Variants in CLCN3 observed in about 807,000 individuals in gnomAD.
CLCN3 encodes the protein Cl-/H+ antiporter 3.
A neutral mutation model predicts 83.4 loss-of-function variants in CLCN3; 16 were observed. The ratio of observed to expected loss-of-function variants is 0.19; its 90% CI spans 0.13 to 0.29. The LOEUF (loss-of-function observed/expected upper bound fraction) is 0.29, where lower values mean the gene tolerates loss of function less well. CLCN3 is among the 10% of genes least tolerant of loss of function. CLCN3 has a pLI of 1.00. For synonymous variants in CLCN3, 322 were observed against 346.2 expected (o/e 0.93, Z 0.78); for missense variants, 544 against 1,006.0 (o/e 0.54, Z 6.21).
At chr4:169,695,579 GA>G in intron 7 of CLCN3, 32 bp from the exon 8 acceptor site, 18 of 1,460,868 alleles carry the variant, frequency 1.2e-5, no homozygotes, top group Non-Finnish European at 1.7e-5. Flanking sequence ...GAATTTCTAT[GA>G]AATTATGAAA....
intron 12 of CLCN3, among the ~76,000 whole-genome samples, chr4:169,719,233 G>A (rs773989373): frequency 2.6e-5 from 4 of 152,182 alleles, no homozygotes; most frequent in Admixed American, 6.5e-5. Flanking sequence ...TTGGGAGGCC[G>A]GGACGGGTGG....
intron 2 of CLCN3, among the ~76,000 whole-genome samples, chr4:169,639,923 C>T (rs1356402323): frequency 1.3e-5 from 2 of 152,124 alleles, no homozygotes; most frequent in African/African-American, 4.8e-5. Context: ...GAATTTACAT[C>T]CTGGTTCTGT....
chr4:169,669,685 A>G (rs1230378795), intron 2 of CLCN3, among the ~76,000 whole-genome samples: 1 of 152,228 alleles, frequency 6.6e-6, no homozygotes, highest in Non-Finnish European at 1.5e-5. Context: ...GGCTGAAGCC[A>G]GTCACCAGTT....
chr4:169,685,963 G>A (rs1259771718), intron 3 of CLCN3, among the ~76,000 whole-genome samples: 1 of 152,044 alleles, frequency 6.6e-6, no homozygotes, highest in Non-Finnish European at 1.5e-5. Context: ...CATTTTAGTG[G>A]GGCGTTGTGA....
chr4:169,695,789 A>C, intron 8 of CLCN3, 97 bp downstream of exon 8: 2 of 725,470 alleles, frequency 2.8e-6, no homozygotes, highest in South Asian at 4.7e-5. Flanking sequence ...ATAGGTAGAG[A>C]CTTTGTTTTC....
intron 2 of CLCN3, among the ~76,000 whole-genome samples, chr4:169,649,190 A>C (rs906960377): frequency 6.6e-6 from 1 of 152,176 alleles, no homozygotes; most frequent in Non-Finnish European, 1.5e-5. Context: ...AGTTGCAGGC[A>C]GAGGGAAGGA....
intron 2 of CLCN3, among the ~76,000 whole-genome samples, chr4:169,673,571 T>A (rs1483457672): frequency 6.6e-6 from 1 of 152,202 alleles, no homozygotes; most frequent in East Asian, 1.9e-4. Flanking sequence ...TTCACTTTTT[T>A]TTTTTTGCAT....
intron 2 of CLCN3, among the ~76,000 whole-genome samples, chr4:169,658,092 G>C (rs1455291376): frequency 2.0e-5 from 3 of 152,026 alleles, no homozygotes; most frequent in Non-Finnish European, 4.4e-5. Context: ...TATTACAAAA[G>C]TAATATATTT....
rs1393256724 is a variant in CLCN3 at position 169,620,779 on chromosome 4, T to G, written c.-301T>G. 2.5e-6 allele frequency: 1 copy of G among 398,460 alleles called. No individual in the cohort carries two copies. Among genetic ancestry groups the G allele is most frequent in the Non-Finnish European group, 4.4e-6 (1 of 226,098 alleles). The allele number at this position is 398,460 out of a possible 1,614,324, so 24.7% of individuals were successfully genotyped here. A position where few individuals can be genotyped will look rare whatever the true frequency, so the allele number is the denominator to read the frequency against. On this transcript the variant is annotated 5_prime_UTR_variant, in exon 1 of 13. It adds an upstream start codon to the 5' untranslated region. Coordinates refer to ENST00000513761, the MANE Select transcript of CLCN3 (RefSeq NM_001829.4). ...GAGATTGGAGATTTTTATTTTTAAT[T>G]TTGGGCAGAAGCAGGTTGACTCTAG...
rs1733228250 is a variant in CLCN3 at position 169,711,841 on chromosome 4, TA to T, written c.2150-1237del. Among the ~76,000 whole-genome samples the T allele has an allele frequency of 2.6e-5, 4 of 152,230 alleles. No homozygotes were observed. The South Asian group carries it at 8.3e-4, about 32-fold the overall frequency. On this transcript the variant is annotated intron_variant, in intron 11 of 12. Transcript: ENST00000513761. ...GCTTATTATGGCTTAAATGTTTTTG[TA>T]GTAAAATTTGTATTCAAAAAATATA...
At chr4:169,652,115 G>A (rs1730747910) in intron 2 of CLCN3, among the ~76,000 whole-genome samples, 1 of 152,152 alleles carries the variant, frequency 6.6e-6, no homozygotes, top group Non-Finnish European at 1.5e-5. Context: ...TACAAAGCAA[G>A]CATCTTTGTA....
intron 11 of CLCN3, among the ~76,000 whole-genome samples, chr4:169,710,996 G>A (rs1396965006): frequency 6.6e-6 from 1 of 152,146 alleles, no homozygotes; most frequent in Admixed American, 6.5e-5. Context: ...CTGGCCTGCT[G>A]TAGTTATTTT....
chr4:169,675,892 G>T (rs981418260), intron 2 of CLCN3, among the ~76,000 whole-genome samples: 10 of 152,160 alleles, frequency 6.6e-5, no homozygotes, highest in Admixed American at 2.0e-4. Context: ...CTTAAATGAT[G>T]ATTGGATTCG....
intron 2 of CLCN3, among the ~76,000 whole-genome samples, chr4:169,669,084 A>G (rs1731362459): frequency 6.6e-6 from 1 of 152,220 alleles, no homozygotes. Flanking sequence ...AAGTGGGCAA[A>G]ACAATCAGGT....
chr4:169,717,792 G>A, intron 12 of CLCN3: 2 of 1,601,544 alleles, frequency 1.2e-6, no homozygotes, highest in Non-Finnish European at 1.7e-6. Flanking sequence ...TCTGTTTCAG[G>A]ATTGTCTTGG....
chr4:169,694,727 T>A (rs1220670232), intron 7 of CLCN3, among the ~76,000 whole-genome samples: 2 of 152,082 alleles, frequency 1.3e-5, no homozygotes, highest in Admixed American at 1.3e-4. Flanking sequence ...TAATCCCAGC[T>A]ACTCGGGAGG....
At chr4:169,626,492 C>T (rs1773238920) in intron 1 of CLCN3, among the ~76,000 whole-genome samples, 1 of 152,254 alleles carries the variant, frequency 6.6e-6, no homozygotes, top group Admixed American at 6.5e-5. Context: ...CTTCTTCTGC[C>T]TGTCTGCAGC....
intron 12 of CLCN3, chr4:169,717,980 A>G: frequency 1.7e-6 from 1 of 586,690 alleles, no homozygotes; most frequent in Non-Finnish European, 3.1e-6. Flanking sequence ...AAAATATCCT[A>G]CTATGCTGCC....
chr4:169,629,694 A>G (rs963156297), intron 1 of CLCN3, among the ~76,000 whole-genome samples: 6 of 152,150 alleles, frequency 3.9e-5, no homozygotes, highest in Non-Finnish European at 2.9e-5. Flanking sequence ...TTTGCTAACC[A>G]TTGAGTATAC....
Sources: gnomAD v4.1 joint callset for allele counts (sites outside exome capture counted in the v4.1 genomes callset) on GRCh38, gnomAD v4.1.1 for gene constraint, MANE v1.5 for transcripts, NCBI Gene and HGNC (gene_info 2026-07-23, HGNC 2026-07-21) for gene names.